The following MAPKAP1 variants were observed in gnomAD, a reference collection of about 807,000 sequenced individuals.
MAPKAP1 encodes the protein target of rapamycin complex 2 subunit MAPKAP1.
A neutral mutation model predicts 65.7 loss-of-function variants in MAPKAP1; 20 were observed. The observed-to-expected ratio is 0.30, with a 90% CI of 0.21 to 0.44. MAPKAP1 has a LOEUF of 0.44. Among genes scored for constraint, MAPKAP1 ranks in the 20% least tolerant of loss-of-function variants. The pLI, the probability that MAPKAP1 is intolerant of heterozygous loss-of-function variation, is 1.00. For synonymous variants in MAPKAP1, 222 were observed against 244.3 expected (o/e 0.91, Z 0.85); for missense variants, 423 against 648.0 (o/e 0.65, Z 3.77).
intron 6 of MAPKAP1, among the ~76,000 whole-genome samples, chr9:125,550,195 C>T (rs556066114): frequency 6.6e-6 from 1 of 152,320 alleles, no homozygotes; most frequent in South Asian, 2.1e-4. Context: ...TCTATCACAA[C>T]CTTCTGAGAA....
At chr9:125,469,922 C>T (rs957649684) in intron 9 of MAPKAP1, among the ~76,000 whole-genome samples, 1 of 152,144 alleles carries the variant, frequency 6.6e-6, no homozygotes, top group South Asian at 2.1e-4. Context: ...CCATGGTTGT[C>T]GGGTGTGTGT....
chr9:125,625,413 A>AAAAACAAAAAAACAAAAC (rs1347016510), intron 4 of MAPKAP1, among the ~76,000 whole-genome samples: 30 of 152,176 alleles, frequency 2.0e-4, no homozygotes, highest in African/African-American at 7.0e-4. Flanking sequence ...GGGAAAAACA[A>AAAAACAAAAAAACAAAAC]AAAACAAAAA....
intron 4 of MAPKAP1, among the ~76,000 whole-genome samples, chr9:125,640,289 G>T (rs917728668): frequency 7.2e-5 from 11 of 151,872 alleles, no homozygotes; most frequent in Non-Finnish European, 1.6e-4. Flanking sequence ...ATTTTTAGTA[G>T]AGACAGGGTT....
At chr9:125,652,196 T>C in intron 4 of MAPKAP1, 1 of 1,322,688 alleles carries the variant, frequency 7.6e-7, no homozygotes, top group Non-Finnish European at 1.0e-6. Flanking sequence ...AAGAGAGCTA[T>C]TTAATGCCAA....
At chr9:125,514,113 C>T (rs1052792070) in intron 7 of MAPKAP1, among the ~76,000 whole-genome samples, 8 of 152,214 alleles carry the variant, frequency 5.3e-5, no homozygotes, top group Admixed American at 2.0e-4. Flanking sequence ...CCATGGTCCA[C>T]GTGGGTTCCT....
At chr9:125,454,998 C>T (rs1367109710) in intron 10 of MAPKAP1, among the ~76,000 whole-genome samples, 1 of 150,828 alleles carries the variant, frequency 6.6e-6, no homozygotes, top group African/African-American at 2.4e-5. Flanking sequence ...CCAGCCTGGT[C>T]AACATAGTGA....
chr9:125,578,142 G>A (rs1195661401), intron 5 of MAPKAP1, among the ~76,000 whole-genome samples: 2 of 152,094 alleles, frequency 1.3e-5, no homozygotes, highest in Non-Finnish European at 2.9e-5. Flanking sequence ...CCCCAACCCG[G>A]TGCTCTCTGA....
At chr9:125,477,802 C>G (rs1240922668) in intron 9 of MAPKAP1, among the ~76,000 whole-genome samples, 1 of 152,220 alleles carries the variant, frequency 6.6e-6, no homozygotes, top group African/African-American at 2.4e-5. Flanking sequence ...TTGGGTGGCA[C>G]ATATCTCAGT....
intron 5 of MAPKAP1, among the ~76,000 whole-genome samples, chr9:125,576,445 G>A (rs967709393): frequency 1.3e-5 from 2 of 152,152 alleles, no homozygotes; most frequent in African/African-American, 4.8e-5. Flanking sequence ...CTAAAAAATA[G>A]TCGATTAAAA....
chr9:125,510,466 C>T (rs572883005), intron 7 of MAPKAP1, among the ~76,000 whole-genome samples: 1 of 152,334 alleles, frequency 6.6e-6, no homozygotes, highest in East Asian at 1.9e-4. Flanking sequence ...TAGTACCATT[C>T]CCTCTTACGA....
At chr9:125,489,003 A>G (rs910144351) in intron 8 of MAPKAP1, among the ~76,000 whole-genome samples, 18 of 152,226 alleles carry the variant, frequency 1.2e-4, no homozygotes, top group Admixed American at 5.2e-4. Flanking sequence ...TCCAGAAAGG[A>G]GTGAACCCAA....
intron 4 of MAPKAP1, among the ~76,000 whole-genome samples, chr9:125,654,443 T>C (rs1833976428): frequency 6.6e-6 from 1 of 152,160 alleles, no homozygotes; most frequent in Non-Finnish European, 1.5e-5. Flanking sequence ...AAACAGTTAT[T>C]GATAATCCAG....
chr9:125,600,684 G>C (rs924113347), intron 4 of MAPKAP1, among the ~76,000 whole-genome samples: 1 of 152,144 alleles, frequency 6.6e-6, no homozygotes, highest in Non-Finnish European at 1.5e-5. Context: ...TAATTATTTT[G>C]AGAGAAGAAC....
At chr9:125,693,838 T>TACACACACACAC (rs1197235568) in intron 1 of MAPKAP1, among the ~76,000 whole-genome samples, 3 of 117,328 alleles carry the variant, frequency 2.6e-5, no homozygotes, top group South Asian at 2.6e-4. Context: ...CACATATATA[T>TACACACACACAC]ACACACATAC....
intron 9 of MAPKAP1, among the ~76,000 whole-genome samples, chr9:125,481,483 C>T (rs1025775929): frequency 6.6e-6 from 1 of 152,058 alleles, no homozygotes; most frequent in Non-Finnish European, 1.5e-5. Flanking sequence ...AGTGTAATGG[C>T]GTCATGACAG....
chr9:125,524,147 T>C (rs75247477), intron 7 of MAPKAP1, among the ~76,000 whole-genome samples: 82 of 152,360 alleles, frequency 5.4e-4, no homozygotes, highest in African/African-American at 1.7e-3. Context: ...AGCACTTTAA[T>C]TACCACTACC....
At chr9:125,588,990 C>T (rs906512501) in intron 4 of MAPKAP1, among the ~76,000 whole-genome samples, 2 of 152,174 alleles carry the variant, frequency 1.3e-5, no homozygotes, top group Admixed American at 6.5e-5. Context: ...CAGGGCTTAG[C>T]AGGTGCTGTT....
At chr9:125,684,760 T>C (rs1834925658) in intron 1 of MAPKAP1, among the ~76,000 whole-genome samples, 1 of 152,146 alleles carries the variant, frequency 6.6e-6, no homozygotes, top group Non-Finnish European at 1.5e-5. Flanking sequence ...AGCTCAACGG[T>C]AGCCTTAACC....
chr9:125,451,047 G>A (rs576913020), intron 10 of MAPKAP1: 1 of 152,412 alleles, frequency 6.6e-6, no homozygotes, highest in East Asian at 1.9e-4. Context: ...GGATGTGCCT[G>A]ACCTACTTAC....
Sources: gnomAD v4.1 joint callset for allele counts (sites outside exome capture counted in the v4.1 genomes callset) on GRCh38, gnomAD v4.1.1 for gene constraint, MANE v1.5 for transcripts, NCBI Gene and HGNC (gene_info 2026-07-23, HGNC 2026-07-21) for gene names.